Variants in ZNF195 observed in about 807,000 individuals in gnomAD.
ZNF195 encodes the protein hypoxia-regulated factor-1.
A neutral mutation model predicts 19.5 loss-of-function variants in ZNF195; 11 were observed. The observed-to-expected ratio is 0.57, with a 90% confidence interval of 0.36 to 0.94. The LOEUF (loss-of-function observed/expected upper bound fraction) is 0.94, where lower values mean the gene tolerates loss of function less well. Among genes scored for constraint, ZNF195 ranks in the 40% least tolerant of loss-of-function variants. The pLI, the probability that ZNF195 is intolerant of heterozygous loss-of-function variation, is 0.01. For synonymous variants in ZNF195, 214 were observed against 248.1 expected, an observed-to-expected ratio of 0.86 and a Z score of 1.29; for missense variants, 582 against 709.0, an observed-to-expected ratio of 0.82 and a Z score of 2.03.
chr11:3,363,754 T>G (rs902045560), intron 3 of ZNF195, among the ~76,000 whole-genome samples: 4 of 152,216 alleles, frequency 2.6e-5, no homozygotes, highest in Non-Finnish European at 5.9e-5. Context: ...TCACACTGTC[T>G]GATTTCAAAA....
At chr11:3,373,053 TAA>T (rs1325723332) in intron 1 of ZNF195, among the ~76,000 whole-genome samples, 1 of 152,236 alleles carries the variant, frequency 6.6e-6, no homozygotes, top group Non-Finnish European at 1.5e-5. Flanking sequence ...AATAGTGTAT[TAA>T]AAGAGTCTTT....
chr11:3,363,597 A>G (rs903958674), intron 3 of ZNF195, among the ~76,000 whole-genome samples: 6 of 152,366 alleles, frequency 3.9e-5, no homozygotes, highest in South Asian at 2.1e-4. Context: ...ACGCTGTCCA[A>G]TGCAATCTAC....
At chr11:3,366,180 C>T (rs371474449) in intron 3 of ZNF195, among the ~76,000 whole-genome samples, 12 of 145,106 alleles carry the variant, frequency 8.3e-5, no homozygotes, top group East Asian at 8.1e-4. Flanking sequence ...AGGAGAATGG[C>T]GTGAACCCAG....
intron 3 of ZNF195, among the ~76,000 whole-genome samples, chr11:3,366,538 C>T (rs559335150): frequency 6.6e-6 from 1 of 152,068 alleles, no homozygotes; most frequent in Admixed American, 6.5e-5. Context: ...GAAGGACTAA[C>T]TGAAATCTCT....
Position 3,379,084 on chromosome 11 carries a change from C to G in ZNF195, c.-44G>C. The G allele has an allele frequency of 6.7e-7, 1 of 1,489,568 alleles. No homozygotes were observed. Among genetic ancestry groups the G allele is most frequent in the Non-Finnish European group, 9.0e-7 (1 of 1,110,168 alleles). 92.3% of individuals were successfully genotyped at this position (1,489,568 alleles called of 1,614,324 possible). ...CCTGGCGTTTCACTTCTGGATCTCC[C>G]GGTGCCTGCGGGTCACACGACCTAC... On this transcript the variant is annotated 5_prime_UTR_variant, in exon 1 of 6. Transcript: ENST00000399602.
intron 3 of ZNF195, chr11:3,363,529 A>C (rs1384891091): frequency 1.3e-5 from 2 of 152,252 alleles, no homozygotes; most frequent in Non-Finnish European, 2.9e-5. Context: ...AAATTAAACA[A>C]CACATTTGAG....
intron 1 of ZNF195, among the ~76,000 whole-genome samples, chr11:3,372,257 A>C (rs1476714462): frequency 3.9e-5 from 6 of 152,242 alleles, no homozygotes; most frequent in Admixed American, 3.9e-4. Context: ...GGCATATGCA[A>C]AAAGAATCTA....
chr11:3,377,714 A>G (rs1339712133), intron 1 of ZNF195: 1 of 1,115,214 alleles, frequency 9.0e-7, no homozygotes, highest in South Asian at 2.2e-5. Context: ...CTGTCCTCTG[A>G]GAAATAACCC....
intron 1 of ZNF195, among the ~76,000 whole-genome samples, chr11:3,376,859 A>C (rs1849492851): frequency 6.6e-6 from 1 of 152,222 alleles, no homozygotes; most frequent in Admixed American, 6.5e-5. Context: ...CATCCTGCAA[A>C]AAGAGCTCAT....
rs1564912497 is a variant in ZNF195, at chr11:3,360,157, C to A, written c.851G>T (p.Cys284Phe). Residue 284 changes from cysteine to phenylalanine, a missense_variant, in exon 6 of 6, where the codon TGC (cysteine) becomes TTC (phenylalanine). Around this residue, in one of 3 missense-constraint regions of ZNF195, gnomAD observed 407 missense variants for 530.5 expected, o/e 0.77. Transcript: ENST00000399602. ...GTTCTCAGGTTCAGTAAAGTGTGAG[C>A]ACTGGATAAAGGTTTTGCCACATTC... ...CGECGKTFIQ[C>F]SHFTEPENID... The A allele has an allele frequency of 6.2e-7, 1 of 1,613,874 alleles. No homozygotes were observed. Among genetic ancestry groups the A allele is most frequent in the Non-Finnish European group, 8.5e-7 (1 of 1,179,884 alleles).
At position 3,360,749 on chromosome 11, in the gene ZNF195, A is replaced by C; in HGVS notation, c.413T>G (p.Phe138Cys). The C allele has an allele frequency of 1.3e-6, 2 of 1,551,562 alleles. No individual in the cohort carries two copies. Among genetic ancestry groups the C allele is most frequent in the Non-Finnish European group, 1.7e-6 (2 of 1,146,972 alleles). The change falls in exon 5 of 6, where the codon TTT becomes TGT. Residue 138 changes from phenylalanine to cysteine, a missense_variant. Coordinates refer to ENST00000399602, the MANE Select transcript of ZNF195 (RefSeq NM_001130520.3). Reference sequence around the variant, plus strand: ...TGAGAAGATGCATCTGAACTCTAAAAACCATTTCACAGTTTGCAGCACCCC... The same window carrying C: ...TGAGAAGATGCATCTGAACTCTAAACACCATTTCACAGTTTGCAGCACCCC... ...SPGVLQTVKW[F>C]LEFRCIFSLA...
At chr11:3,371,978 C>G (rs1849236451) in intron 1 of ZNF195, among the ~76,000 whole-genome samples, 1 of 152,166 alleles carries the variant, frequency 6.6e-6, no homozygotes, top group Non-Finnish European at 1.5e-5. Flanking sequence ...CATGAATAAG[C>G]TGTGTATATT....
At chr11:3,361,029 G>A (rs1848609665) in intron 4 of ZNF195, among the ~76,000 whole-genome samples, 1 of 152,212 alleles carries the variant, frequency 6.6e-6, no homozygotes, top group Non-Finnish European at 1.5e-5. Context: ...CTGAGTGACA[G>A]GCTGGGTCTG....
At position 3,374,986 on chromosome 11, in the gene ZNF195, G is replaced by A. The variant is rs185930276; in HGVS notation, c.4-3283C>T. Among the ~76,000 whole-genome samples, 180 of 152,332 alleles carry A rather than the reference G, an allele frequency of 1.2e-3. 1 individual carries two copies. The highest frequency in any genetic ancestry group is 4.1e-3 in the African/African-American group (171 of 41,568). On this transcript the variant is annotated intron_variant, in intron 1 of 5. Coordinates refer to ENST00000399602, the MANE Select transcript of ZNF195 (RefSeq NM_001130520.3). ...CCCATTTATCTGCTTTGGGGTTTCCGAAAATTCTGTGTATCAGTTCCGGAG... is the reference window on the plus strand; with the variant it reads ...CCCATTTATCTGCTTTGGGGTTTCCAAAAATTCTGTGTATCAGTTCCGGAG...
chr11:3,359,622 TC>T lies in ZNF195; in HGVS notation c.1385del (p.Gly462GlufsTer160). On this transcript the variant is annotated frameshift_variant, in exon 6 of 6. Transcript: ENST00000399602. LOFTEE classifies it low-confidence loss of function (END_TRUNC). The surrounding 1 kb of genome is among the most constrained non-coding windows in gnomAD (Gnocchi z 5.5). Reference protein sequence around the residue: ...HLSEHRRIHTGEKPYQCEECG... With the variant: ...HLSEHRRIHTXEKPYQCEECG... Reference sequence around the variant, plus strand: ...ATTCTTCACATTGGTAGGGTTTCTCTCCGGTGTGAATCCTCCTGTGTTCACT... The same window carrying T: ...ATTCTTCACATTGGTAGGGTTTCTCTCGGTGTGAATCCTCCTGTGTTCACT... 1 of 1,614,076 alleles carries T rather than the reference TC, an allele frequency of 6.2e-7. No homozygotes were observed. Among genetic ancestry groups the T allele is most frequent in the Non-Finnish European group, 8.5e-7 (1 of 1,180,018 alleles).
intron 3 of ZNF195, chr11:3,369,345 A>T (rs761373867): frequency 4.1e-5 from 10 of 241,876 alleles, no homozygotes; most frequent in Non-Finnish European, 6.9e-5. Context: ...AGTTAGAAAA[A>T]GATAAACCTA....
At chr11:3,373,452 A>T (rs1274418438) in intron 1 of ZNF195, 1 of 750,360 alleles carries the variant, frequency 1.3e-6, no homozygotes, top group Non-Finnish European at 2.3e-6. Context: ...TAAGAAAAAA[A>T]AGTAGTTGAA....
chr11:3,358,564 T>C lies in ZNF195; in HGVS notation c.*554A>G, dbSNP rs770403677. 1.3e-5 allele frequency: 2 copies of C among 152,256 alleles called. No individual in the cohort carries two copies. The highest frequency in any genetic ancestry group is 2.9e-5 in the Non-Finnish European group (2 of 68,048). 9.4% of individuals were successfully genotyped at this position (152,256 alleles called of 1,614,324 possible). ...AAATGAAGACACAGCATCTACTGAT[T>C]TGAGAATAGAATGACATCAATATTC... On this transcript the variant is annotated 3_prime_UTR_variant, in exon 6 of 6. Coordinates refer to ENST00000399602, the MANE Select transcript of ZNF195 (RefSeq NM_001130520.3).
chr11:3,362,118 A>G (rs1184864437), intron 3 of ZNF195: 2 of 347,434 alleles, frequency 5.8e-6, no homozygotes, highest in Admixed American at 3.6e-5. Context: ...ATTGCTGAAC[A>G]CAAAACTTCC....
Sources: gnomAD v4.1 joint callset for allele counts (sites outside exome capture counted in the v4.1 genomes callset) on GRCh38, gnomAD v4.1.1 for gene constraint, gnomAD v4.1.1 regional missense constraint, Gnocchi (gnomAD v3.1) non-coding constraint, MANE v1.5 for transcripts, NCBI Gene and HGNC (gene_info 2026-07-23, HGNC 2026-07-21) for gene names.